CSMD1: variants seen among roughly 807,000 people sequenced by gnomAD.
The protein encoded by CSMD1 is CUB and Sushi multiple domains 1.
In CSMD1, 213 loss-of-function variants were observed where a neutral mutation model predicts 417.5. That is an observed-to-expected ratio of 0.51 (90% CI 0.46 to 0.57). The LOEUF is 0.57. Among genes scored for constraint, CSMD1 ranks in the 20% least tolerant of loss-of-function variants. CSMD1 has a pLI of 0.00. For synonymous variants in CSMD1, 2,862 were observed against 1,736.8 expected (o/e 1.65, Z -16.11); for missense variants, 6,923 against 4,529.7 (o/e 1.53, Z -15.17).
At chr8:4,832,121 C>T (rs540033513) in intron 1 of CSMD1, among the ~76,000 whole-genome samples, 13 of 152,202 alleles carry the variant, frequency 8.5e-5, no homozygotes, top group Non-Finnish European at 1.3e-4. Context: ...GTTCACTGAA[C>T]TGGCATGTAT....
At chr8:3,569,912 G>C (rs978043115) in intron 10 of CSMD1, among the ~76,000 whole-genome samples, 11 of 152,026 alleles carry the variant, frequency 7.2e-5, no homozygotes, top group African/African-American at 2.7e-4. Context: ...AAATGACAAA[G>C]GGCAAATAAT....
At chr8:3,467,994 T>C (rs1381334057) in intron 12 of CSMD1, among the ~76,000 whole-genome samples, 1 of 152,216 alleles carries the variant, frequency 6.6e-6, no homozygotes, top group East Asian at 1.9e-4. Context: ...TACACATCTA[T>C]CGGTTCAAAT....
intron 7 of CSMD1, among the ~76,000 whole-genome samples, chr8:3,664,351 T>G (rs1445969028): frequency 6.6e-6 from 1 of 152,314 alleles, no homozygotes; most frequent in Non-Finnish European, 1.5e-5. Context: ...AAAATTAAAA[T>G]ATTGGACTTC....
intron 11 of CSMD1, among the ~76,000 whole-genome samples, chr8:3,491,497 G>C (rs1048265323): frequency 2.0e-5 from 3 of 152,128 alleles, no homozygotes; most frequent in Non-Finnish European, 4.4e-5. Flanking sequence ...AATAAGTTGT[G>C]GTCCAGCAAC....
intron 25 of CSMD1, among the ~76,000 whole-genome samples, chr8:3,298,251 G>A (rs978958003): frequency 6.6e-6 from 1 of 152,098 alleles, no homozygotes; most frequent in African/African-American, 2.4e-5. Flanking sequence ...CATGGAAAAA[G>A]CATACATACA....
chr8:4,321,666 G>C (rs1799281281), intron 3 of CSMD1, among the ~76,000 whole-genome samples: 1 of 152,120 alleles, frequency 6.6e-6, no homozygotes, highest in Admixed American at 6.6e-5. Flanking sequence ...AGATAAAAGA[G>C]CTGTTCAACA....
At chr8:4,170,963 G>A (rs530525980) in intron 3 of CSMD1, among the ~76,000 whole-genome samples, 1 of 151,944 alleles carries the variant, frequency 6.6e-6, no homozygotes, top group Admixed American at 6.5e-5. Context: ...TTATCCCAGG[G>A]CTGCAGTTGA....
At chr8:4,655,922 T>C (rs746173338) in intron 1 of CSMD1, among the ~76,000 whole-genome samples, 28 of 152,154 alleles carry the variant, frequency 1.8e-4, no homozygotes, top group Non-Finnish European at 3.2e-4. Context: ...GACACTGTGT[T>C]AGGCTCAGAG....
At chr8:4,777,456 G>A (rs1304300066) in intron 1 of CSMD1, among the ~76,000 whole-genome samples, 1 of 152,146 alleles carries the variant, frequency 6.6e-6, no homozygotes, top group Non-Finnish European at 1.5e-5. Flanking sequence ...AGGGACAGAT[G>A]TGTGCCTAGA....
intron 1 of CSMD1, among the ~76,000 whole-genome samples, chr8:4,937,435 C>G (rs1807697183): frequency 6.6e-6 from 1 of 152,094 alleles, no homozygotes; most frequent in South Asian, 2.1e-4. Flanking sequence ...TAGTGTTTTT[C>G]TCTATGATGA....
chr8:4,136,892 C>G (rs546422701), intron 3 of CSMD1, among the ~76,000 whole-genome samples: 12 of 152,210 alleles, frequency 7.9e-5, no homozygotes, highest in African/African-American at 2.6e-4. Context: ...AGAAACTTAA[C>G]AAAGAAAACA....
intron 41 of CSMD1, among the ~76,000 whole-genome samples, chr8:3,123,844 A>G (rs757626553): frequency 2.0e-5 from 3 of 152,180 alleles, no homozygotes; most frequent in African/African-American, 7.2e-5. Context: ...CATTTACAAC[A>G]CAGGAGTGTT....
intron 26 of CSMD1, among the ~76,000 whole-genome samples, chr8:3,240,854 A>C (rs1483580252): frequency 6.6e-6 from 1 of 152,134 alleles, no homozygotes; most frequent in Non-Finnish European, 1.5e-5. Context: ...AGAACAGGTA[A>C]AACGGGGGAA....
rs1017177634 is a variant in CSMD1, at chr8:4,157,009, G to A, written c.416-124910C>T. Among the ~76,000 whole-genome samples, 12 of 152,130 alleles carry A rather than the reference G, an allele frequency of 7.9e-5. No homozygotes were observed. In the South Asian group the frequency reaches 8.3e-4, roughly 10 times the overall value. On this transcript the variant is annotated intron_variant, in intron 3 of 69. Transcript: ENST00000635120. Reference sequence around the variant, plus strand: ...ATCCCAGATGATATTAAGTAGGGGTGGTGGCCAGGCATTGAGGGGCATGTT... The same window carrying A: ...ATCCCAGATGATATTAAGTAGGGGTAGTGGCCAGGCATTGAGGGGCATGTT...
chr8:4,654,496 T>C (rs1804104623), intron 1 of CSMD1, among the ~76,000 whole-genome samples: 1 of 152,076 alleles, frequency 6.6e-6, no homozygotes, highest in South Asian at 2.1e-4. Context: ...GGAAACGAAG[T>C]ACCAGGCAAT....
chr8:3,654,040 G>A (rs1438250940), intron 7 of CSMD1, among the ~76,000 whole-genome samples: 1 of 152,108 alleles, frequency 6.6e-6, no homozygotes, highest in Non-Finnish European at 1.5e-5. Flanking sequence ...GGGGCCAACT[G>A]TATAACATCC....
intron 18 of CSMD1, among the ~76,000 whole-genome samples, chr8:3,382,532 T>A (rs1395070608): frequency 2.5e-5 from 3 of 120,632 alleles, no homozygotes; most frequent in African/African-American, 9.2e-5. Flanking sequence ...TTTATATAAA[T>A]ATATATTTAT....
chr8:3,851,561 C>T (rs964273749), intron 5 of CSMD1, among the ~76,000 whole-genome samples: 1 of 152,188 alleles, frequency 6.6e-6, no homozygotes, highest in Non-Finnish European at 1.5e-5. Context: ...CCTTGAGCAG[C>T]AACTCCCTGC....
At chr8:3,128,771 G>T in intron 41 of CSMD1, 1 of 416,980 alleles carries the variant, frequency 2.4e-6, no homozygotes, top group Non-Finnish European at 4.7e-6. Flanking sequence ...AATTAATGGC[G>T]TACAATAAAA....
Sources: gnomAD v4.1 joint callset for allele counts (sites outside exome capture counted in the v4.1 genomes callset) on GRCh38, gnomAD v4.1.1 for gene constraint, MANE v1.5 for transcripts, NCBI Gene and HGNC (gene_info 2026-07-23, HGNC 2026-07-21) for gene names.